Variants in RASSF6 observed in about 807,000 individuals in gnomAD.
RASSF6 encodes the protein ras association domain-containing protein 6.
A neutral mutation model predicts 44.0 loss-of-function variants in RASSF6; 52 were observed. The observed-to-expected ratio is 1.18, with a 90% CI of 0.95 to 1.49. The LOEUF is 1.49. Among genes scored for constraint, RASSF6 ranks in the 40% most tolerant of loss-of-function variants. RASSF6 has a pLI of 0.00. For synonymous variants in RASSF6, 162 were observed against 124.6 expected (o/e 1.30, Z -2.00); for missense variants, 464 against 393.3 (o/e 1.18, Z -1.52).
chr4:73,576,557 G>T (rs370584561), intron 9 of RASSF6, 50 bp from the exon 10 acceptor site: 19 of 1,551,236 alleles, frequency 1.2e-5, no homozygotes, highest in Non-Finnish European at 8.8e-7. Context: ...AATTATGCAA[G>T]AGGTGCTGAG....
Position 73,582,288 on chromosome 4 carries a change from T to G in RASSF6, c.570A>C (p.Thr190=). 1.2e-5 allele frequency: 18 copies of G among 1,533,716 alleles called. No individual in the cohort carries two copies. Among genetic ancestry groups the G allele is most frequent in the Non-Finnish European group, 1.6e-5 (18 of 1,115,666 alleles). ...SINGHFYNHE[T]SIFIPAFESE... ...ATTCAAAGGCTGGAATGAAAATTGA[T>G]GTCTAGAAAAAGAATTGTCACATAA... Residue 190 remains threonine (T), a splice_region_variant and synonymous_variant, in exon 7 of 11, where the codon ACA becomes ACC. Transcript: ENST00000307439.
chr4:73,611,223 C>A (rs930887979), intron 2 of RASSF6, among the ~76,000 whole-genome samples: 1 of 152,144 alleles, frequency 6.6e-6, no homozygotes, highest in African/African-American at 2.4e-5. Context: ...ACTCTTATAG[C>A]TTTTAAGCCC....
At chr4:73,595,982 C>G (rs989812510) in intron 3 of RASSF6, among the ~76,000 whole-genome samples, 1 of 152,120 alleles carries the variant, frequency 6.6e-6, no homozygotes, top group African/African-American at 2.4e-5. Flanking sequence ...ATTCTAATGT[C>G]CCCTTTGGCC....
rs1164521075 is a variant in RASSF6 at position 73,611,911 on chromosome 4, G to A, written c.-34-82C>T. The A allele has an allele frequency of 3.1e-6, 3 of 965,150 alleles. No homozygotes were observed. The East Asian group carries it at 7.5e-5, about 24-fold the overall frequency. The allele number at this position is 965,150 out of a possible 1,614,324, so 59.8% of individuals were successfully genotyped here. A position where few individuals can be genotyped will look rare whatever the true frequency, so the allele number is the denominator to read the frequency against. On this transcript the variant is annotated intron_variant, in intron 1 of 10. Transcript: ENST00000307439. ...TCTGATTTAAGTTGAGTGTTTTGTT[G>A]TGTCTCTAGAGTATAAGAAGGTTTT...
rs543563545 is a variant in RASSF6, at chr4:73,581,998, T to C, written c.670-130A>G. On this transcript the variant is annotated intron_variant, in intron 7 of 10. Coordinates refer to ENST00000307439, the MANE Select transcript of RASSF6 (RefSeq NM_177532.5). ...CTTTTAGACATAAAATCTTCTCTGC[T>C]CTTATGGGAATTATATAATTTTTCA... is the stretch of plus-strand genomic sequence containing the variant. The C allele has an allele frequency of 9.7e-6, 7 of 720,580 alleles. No homozygotes were observed. The African/African-American group carries it at 1.3e-4, about 13-fold the overall frequency. The allele number at this position is 720,580 out of a possible 1,614,324, so 44.6% of individuals were successfully genotyped here. A position where few individuals can be genotyped will look rare whatever the true frequency, so the allele number is the denominator to read the frequency against.
At chr4:73,578,638 CTTT>C (rs34373374) in intron 8 of RASSF6, among the ~76,000 whole-genome samples, 1 of 143,430 alleles carries the variant, frequency 7.0e-6, no homozygotes. Flanking sequence ...CATTTTTTCT[CTTT>C]TTTTTTTTTT....
intron 2 of RASSF6, among the ~76,000 whole-genome samples, chr4:73,601,672 C>T (rs1725285790): frequency 6.6e-6 from 1 of 152,160 alleles, no homozygotes; most frequent in Admixed American, 6.5e-5. Flanking sequence ...GAATGTTGTC[C>T]AAACATTTCT....
rs1723133795 is a variant in RASSF6, at chr4:73,575,237, A to G, written c.*998T>C. 6.6e-6 allele frequency: 1 copy of G among 152,214 alleles called. No homozygotes were observed. The highest frequency in any genetic ancestry group is 1.5e-5 in the Non-Finnish European group (1 of 68,030). 9.4% of individuals were successfully genotyped at this position (152,214 alleles called of 1,614,324 possible). ...ATGAAAGAATGTTGCATATAATTCC[A>G]TTTTAATACAGAATTTATAAATAAA... On this transcript the variant is annotated 3_prime_UTR_variant, in exon 11 of 11. Transcript: ENST00000307439.
At chr4:73,587,368 C>T (rs1390003851) in intron 5 of RASSF6, among the ~76,000 whole-genome samples, 1 of 151,962 alleles carries the variant, frequency 6.6e-6, no homozygotes, top group Admixed American at 6.6e-5. Context: ...AAATTGACTC[C>T]AGCATATCTG....
chr4:73,572,685 G>T lies in RASSF6; in HGVS notation c.*3550C>A, dbSNP rs1007801129. ...ATGTTAATGTCTCATTTGAATAATT[G>T]ATTTGAAATTTTTTGCATTTGGTAG... On this transcript the variant is annotated 3_prime_UTR_variant, in exon 11 of 11. Coordinates refer to ENST00000307439, the MANE Select transcript of RASSF6 (RefSeq NM_177532.5). 3 of 152,174 alleles carry T rather than the reference G, an allele frequency of 2.0e-5. No homozygotes were observed. The highest frequency in any genetic ancestry group is 2.9e-5 in the Non-Finnish European group (2 of 68,016). The allele number at this position is 152,174 out of a possible 1,614,324, so 9.4% of individuals were successfully genotyped here. A position where few individuals can be genotyped will look rare whatever the true frequency, so the allele number is the denominator to read the frequency against.
chr4:73,586,851 G>A (rs1024252117), intron 5 of RASSF6, among the ~76,000 whole-genome samples: 1 of 150,860 alleles, frequency 6.6e-6, no homozygotes, highest in South Asian at 2.1e-4. Flanking sequence ...GGAACATCAT[G>A]TTTGTCACAG....
chr4:73,593,614 C>T (rs370299951), intron 3 of RASSF6, 21 bp from the exon 4 acceptor site: 15 of 1,605,842 alleles, frequency 9.3e-6, no homozygotes, highest in African/African-American at 1.3e-5. Context: ...AATGAATAAT[C>T]CCCCAATTGT....
chr4:73,607,890 C>T (rs1307864409), intron 2 of RASSF6, among the ~76,000 whole-genome samples: 1 of 125,876 alleles, frequency 7.9e-6, no homozygotes, highest in African/African-American at 3.1e-5. Flanking sequence ...TCTCCTCCAA[C>T]CCCTCCCCTC....
intron 1 of RASSF6, among the ~76,000 whole-genome samples, chr4:73,613,452 G>A (rs1372547973): frequency 6.6e-6 from 1 of 152,108 alleles, no homozygotes; most frequent in African/African-American, 2.4e-5. Flanking sequence ...CTTGAGTTTT[G>A]CCCCTGGATT....
At chr4:73,591,059 A>C (rs1296977528) in intron 4 of RASSF6, among the ~76,000 whole-genome samples, 1 of 152,210 alleles carries the variant, frequency 6.6e-6, no homozygotes, top group African/African-American at 2.4e-5. Flanking sequence ...AGTGTTTTAA[A>C]TTTGAGAAGT....
intron 8 of RASSF6, 68 bp downstream of exon 8, chr4:73,581,749 G>A: frequency 9.8e-7 from 1 of 1,022,738 alleles, no homozygotes. Context: ...CTGTTCTTCT[G>A]CCTTCCCCCT....
chr4:73,577,630 T>G (rs907442414), intron 8 of RASSF6, among the ~76,000 whole-genome samples: 2 of 152,138 alleles, frequency 1.3e-5, no homozygotes, highest in Admixed American at 6.5e-5. Flanking sequence ...GTTCACATAG[T>G]GTCAGTGTTT....
At chr4:73,615,999 GTTAA>G in intron 1 of RASSF6, 2 of 1,399,280 alleles carry the variant, frequency 1.4e-6, no homozygotes, top group South Asian at 1.2e-5. Flanking sequence ...CCAACCATGA[GTTAA>G]TTAAATGGTT....
intron 6 of RASSF6, among the ~76,000 whole-genome samples, chr4:73,582,671 T>G (rs541354845): frequency 6.6e-6 from 1 of 152,198 alleles, no homozygotes; most frequent in South Asian, 2.1e-4. Flanking sequence ...ATGCACAATC[T>G]CCAAGTATTC....
Sources: gnomAD v4.1 joint callset for allele counts (sites outside exome capture counted in the v4.1 genomes callset) on GRCh38, gnomAD v4.1.1 for gene constraint, MANE v1.5 for transcripts, NCBI Gene and HGNC (gene_info 2026-07-23, HGNC 2026-07-21) for gene names.